PRKG1: variants seen among roughly 807,000 people sequenced by gnomAD.
PRKG1 encodes protein kinase cGMP-dependent 1, also known as cGMP-dependent protein kinase 1.
PRKG1 carries 35 observed loss-of-function variants against 88.1 expected under a neutral mutation model. That is an observed-to-expected ratio of 0.40 (90% confidence interval 0.30 to 0.53). The LOEUF (loss-of-function observed/expected upper bound fraction) is 0.53. Ranked by LOEUF, PRKG1 falls within the 20% of genes least tolerant of loss-of-function variation. The probability of loss-of-function intolerance (pLI) is 0.59; values close to 1 mark genes in which losing one functional copy is unlikely to be tolerated. For synonymous variants in PRKG1, 303 were observed against 292.5 expected (o/e 1.04, Z -0.37); for missense variants, 540 against 839.8 (o/e 0.64, Z 4.41).
At chr10:51,335,121 T>C (rs561459606) in intron 2 of PRKG1, among the ~76,000 whole-genome samples, 1 of 148,942 alleles carries the variant, frequency 6.7e-6, no homozygotes, top group East Asian at 2.1e-4. Context: ...CACGCCATTC[T>C]CCTGCCTCAG....
At chr10:51,506,287 A>G (rs1287476862) in intron 3 of PRKG1, among the ~76,000 whole-genome samples, 1 of 152,160 alleles carries the variant, frequency 6.6e-6, no homozygotes, top group Non-Finnish European at 1.5e-5. Context: ...ATGGCAACAA[A>G]AGCCAAAATT....
chr10:51,749,542 A>T (rs541031447), intron 3 of PRKG1, among the ~76,000 whole-genome samples: 4 of 151,896 alleles, frequency 2.6e-5, no homozygotes, highest in Non-Finnish European at 5.9e-5. Flanking sequence ...ACCCTTAATT[A>T]CCTCCCCAAA....
intron 5 of PRKG1, among the ~76,000 whole-genome samples, chr10:52,038,695 C>A (rs1002464987): frequency 6.6e-6 from 1 of 152,100 alleles, no homozygotes; most frequent in Non-Finnish European, 1.5e-5. Flanking sequence ...CCAAGGCAGG[C>A]GTCCCTGCGT....
intron 2 of PRKG1, among the ~76,000 whole-genome samples, chr10:51,386,775 C>T (rs1341232014): frequency 6.6e-6 from 1 of 152,026 alleles, no homozygotes. Context: ...TTAATCATCA[C>T]AGCACTCTTG....
chr10:52,253,658 C>A, intron 10 of PRKG1, among the ~76,000 whole-genome samples: 1 of 151,470 alleles, frequency 6.6e-6, no homozygotes, highest in South Asian at 2.1e-4. Context: ...ATCTCCATCC[C>A]CAGAGAAATA....
At chr10:51,570,067 A>ATATATATATATATATATATATATATTTG (rs1491310201) in intron 3 of PRKG1, among the ~76,000 whole-genome samples, 1 of 113,078 alleles carries the variant, frequency 8.8e-6, no homozygotes, top group Non-Finnish European at 1.9e-5. Flanking sequence ...ATATATATAT[A>ATATATATATATATATATATATATATTTG]TGTGTGTGTG....
intron 1 of PRKG1, among the ~76,000 whole-genome samples, chr10:51,083,326 G>A (rs1402041628): frequency 6.6e-6 from 1 of 152,100 alleles, no homozygotes; most frequent in Non-Finnish European, 1.5e-5. Flanking sequence ...CAAGTTTTTT[G>A]TTTGTTTGTT....
chr10:52,274,620 T>C (rs1841823609), intron 12 of PRKG1, among the ~76,000 whole-genome samples: 1 of 151,960 alleles, frequency 6.6e-6, no homozygotes, highest in Admixed American at 6.6e-5. Context: ...GATGGGCATT[T>C]GATTTGGTTC....
At chr10:52,145,309 T>C (rs1837700902) in intron 8 of PRKG1, among the ~76,000 whole-genome samples, 1 of 152,222 alleles carries the variant, frequency 6.6e-6, no homozygotes, top group African/African-American at 2.4e-5. Flanking sequence ...TTTTTGTCCA[T>C]TGGATGTTAT....
intron 5 of PRKG1, among the ~76,000 whole-genome samples, chr10:51,976,684 A>G (rs892831624): frequency 6.6e-6 from 1 of 151,996 alleles, no homozygotes; most frequent in Non-Finnish European, 1.5e-5. Context: ...GTTAGATTGT[A>G]GTGATGGTTG....
chr10:51,244,785 T>C (rs1839244921), intron 2 of PRKG1: 1 of 152,076 alleles, frequency 6.6e-6, no homozygotes. Flanking sequence ...AGCTGTTTTA[T>C]AGTCACTTAC....
intron 1 of PRKG1, among the ~76,000 whole-genome samples, chr10:50,993,664 T>A (rs999269398): frequency 6.6e-6 from 1 of 152,228 alleles, no homozygotes; most frequent in African/African-American, 2.4e-5. Context: ...GTGTCTGGGC[T>A]ATGCCCCTCG....
intron 3 of PRKG1, among the ~76,000 whole-genome samples, chr10:51,771,951 C>G (rs929095650): frequency 5.9e-5 from 9 of 151,976 alleles, no homozygotes; most frequent in African/African-American, 2.2e-4. Context: ...AAAAATAAAG[C>G]AATTAGAAAT....
intron 3 of PRKG1, among the ~76,000 whole-genome samples, chr10:51,643,876 C>T (rs1839857400): frequency 6.6e-6 from 1 of 152,154 alleles, no homozygotes; most frequent in Non-Finnish European, 1.5e-5. Flanking sequence ...AACTTCCTGT[C>T]CCATCACCCA....
intron 5 of PRKG1, among the ~76,000 whole-genome samples, chr10:51,928,078 G>A (rs1477855165): frequency 1.3e-5 from 2 of 152,182 alleles, no homozygotes; most frequent in East Asian, 1.9e-4. Context: ...AATTGAAAAA[G>A]GTGTTTTAAG....
chr10:51,182,209 T>G (rs1316187397), intron 2 of PRKG1, among the ~76,000 whole-genome samples: 3 of 152,188 alleles, frequency 2.0e-5, no homozygotes, highest in Non-Finnish European at 4.4e-5. Flanking sequence ...TGTTTTTGTG[T>G]GTGGTGTTGA....
chr10:52,215,453 A>C lies in PRKG1; in HGVS notation c.1077-36117A>C, dbSNP rs112310003. ...ACTTGCTATAAGCATTCTATGCTATAAAGCGAGATATACAGGCATTTAGAT... is the reference window on the plus strand; with the variant it reads ...ACTTGCTATAAGCATTCTATGCTATCAAGCGAGATATACAGGCATTTAGAT... On this transcript the variant is annotated intron_variant, in intron 9 of 17. Transcript: ENST00000373980. Among the ~76,000 whole-genome samples the C allele has an allele frequency of 1.7e-3, 259 of 152,280 alleles. 1 individual carries two copies. The highest frequency in any genetic ancestry group is 5.7e-3 in the African/African-American group (239 of 41,572).
chr10:52,248,176 T>C (rs1329342559), intron 9 of PRKG1, among the ~76,000 whole-genome samples: 1 of 152,204 alleles, frequency 6.6e-6, no homozygotes, highest in Non-Finnish European at 1.5e-5. Flanking sequence ...CTCATTCCTG[T>C]AAACCCACAA....
intron 3 of PRKG1, among the ~76,000 whole-genome samples, chr10:51,657,279 G>A (rs988233795): frequency 4.6e-5 from 7 of 152,092 alleles, no homozygotes; most frequent in South Asian, 4.2e-4. Flanking sequence ...TTTGTCTGCA[G>A]TCTATACACT....
Sources: allele counts gnomAD v4.1 joint callset (sites outside exome capture counted in the v4.1 genomes callset), GRCh38; gene constraint gnomAD v4.1.1; transcripts MANE v1.5; gene names NCBI Gene and HGNC (gene_info 2026-07-23, HGNC 2026-07-21).